Variants in LRFN5 observed in about 807,000 individuals in gnomAD.
LRFN5 encodes leucine rich repeat and fibronectin type III domain containing 5.
Under a neutral mutation model 45.6 loss-of-function variants are expected in LRFN5, and 24 were observed. The ratio of observed to expected loss-of-function variants is 0.53; its 90% confidence interval spans 0.38 to 0.74. LRFN5 has a LOEUF of 0.74. LRFN5 is among the 30% of genes least tolerant of loss of function. The pLI, the probability that LRFN5 is intolerant of heterozygous loss-of-function variation, is 0.00. For missense variants in LRFN5, 776 were observed against 861.5 expected, an observed-to-expected ratio of 0.90 and a Z score of 1.24; for synonymous variants, 340 against 313.8, an observed-to-expected ratio of 1.08 and a Z score of -0.88.
intron 2 of LRFN5, among the ~76,000 whole-genome samples, chr14:41,872,392 T>C (rs991835559): frequency 6.6e-6 from 1 of 152,232 alleles, no homozygotes; most frequent in African/African-American, 2.4e-5. Flanking sequence ...CATTTTAGCA[T>C]ATTCATATTT....
chr14:41,897,708 T>C (rs560600353), intron 4 of LRFN5, among the ~76,000 whole-genome samples: 2 of 152,226 alleles, frequency 1.3e-5, no homozygotes, highest in African/African-American at 4.8e-5. Flanking sequence ...ATTTTCTGCA[T>C]TTTTTAATTA....
At chr14:41,858,743 G>T (rs1594471868) in intron 2 of LRFN5, among the ~76,000 whole-genome samples, 1 of 152,002 alleles carries the variant, frequency 6.6e-6, no homozygotes, top group Admixed American at 6.6e-5. Context: ...TCATTCCAGT[G>T]CACATTGCTT....
At chr14:41,805,861 C>G (rs1167034142) in intron 2 of LRFN5, among the ~76,000 whole-genome samples, 1 of 152,080 alleles carries the variant, frequency 6.6e-6, no homozygotes, top group African/African-American at 2.4e-5. Context: ...GGTTGTTGCA[C>G]AGCATACCTT....
intron 1 of LRFN5, among the ~76,000 whole-genome samples, chr14:41,642,948 A>G (rs578122557): frequency 5.9e-5 from 9 of 152,284 alleles, no homozygotes; most frequent in South Asian, 2.1e-4. Context: ...CTGTTACTTC[A>G]TACTTCATTG....
chr14:41,797,871 C>G (rs975376072), intron 2 of LRFN5, among the ~76,000 whole-genome samples: 9 of 151,678 alleles, frequency 5.9e-5, no homozygotes, highest in African/African-American at 9.7e-5. Context: ...TATTGCTTCT[C>G]AATTTTGAAT....
At chr14:41,825,012 T>A (rs534041221) in intron 2 of LRFN5, among the ~76,000 whole-genome samples, 1 of 152,204 alleles carries the variant, frequency 6.6e-6, no homozygotes, top group African/African-American at 2.4e-5. Context: ...AGTTAATGGC[T>A]GTGGAAAATG....
chr14:41,811,270 A>G (rs944269243), intron 2 of LRFN5, among the ~76,000 whole-genome samples: 1 of 152,068 alleles, frequency 6.6e-6, no homozygotes, highest in African/African-American at 2.4e-5. Context: ...ACAGACAATA[A>G]CAAGTGTTAG....
At chr14:41,648,896 A>G (rs1276197731) in intron 1 of LRFN5, among the ~76,000 whole-genome samples, 3 of 152,186 alleles carry the variant, frequency 2.0e-5, no homozygotes, top group Non-Finnish European at 4.4e-5. Context: ...GTAAACTTCT[A>G]TCATGTAATT....
intron 1 of LRFN5, among the ~76,000 whole-genome samples, chr14:41,650,902 AGGGAGG>A: frequency 3.3e-5 from 1 of 30,128 alleles, no homozygotes; most frequent in African/African-American, 1.6e-4. Flanking sequence ...AGAGAGAGGG[AGGGAGG>A]GAGGGAGGGA....
intron 2 of LRFN5, among the ~76,000 whole-genome samples, chr14:41,824,524 T>C (rs1888228320): frequency 6.6e-6 from 1 of 152,182 alleles, no homozygotes. Context: ...AAGACTGAGA[T>C]TGCGGAGCTC....
intron 1 of LRFN5, among the ~76,000 whole-genome samples, chr14:41,658,356 A>G (rs1398118728): frequency 6.6e-6 from 1 of 151,990 alleles, no homozygotes; most frequent in Non-Finnish European, 1.5e-5. Context: ...TGTGATTGGC[A>G]CTTATACCAT....
At chr14:41,797,428 A>G (rs1349481624) in intron 2 of LRFN5, among the ~76,000 whole-genome samples, 2 of 151,672 alleles carry the variant, frequency 1.3e-5, no homozygotes, top group Non-Finnish European at 3.0e-5. Context: ...ATATATTTCT[A>G]TTTATCAACT....
chr14:41,645,665 A>C (rs748762213), intron 1 of LRFN5, among the ~76,000 whole-genome samples: 7 of 152,294 alleles, frequency 4.6e-5, no homozygotes, highest in Non-Finnish European at 8.8e-5. Flanking sequence ...TAAAATAATC[A>C]GTTGTTTCAC....
chr14:41,609,066 G>A (rs1490280506), intron 1 of LRFN5, among the ~76,000 whole-genome samples: 1 of 152,118 alleles, frequency 6.6e-6, no homozygotes, highest in Non-Finnish European at 1.5e-5. Context: ...TGTAAATTAC[G>A]CATCTGGAGA....
intron 2 of LRFN5, among the ~76,000 whole-genome samples, chr14:41,767,914 A>AT (rs200659628): frequency 7.9e-4 from 119 of 151,208 alleles, no homozygotes; most frequent in African/African-American, 2.4e-3. Context: ...TGTTTGAGGC[A>AT]TTTTTTTTTC....
At chr14:41,749,188 T>C (rs1188390166) in intron 1 of LRFN5, among the ~76,000 whole-genome samples, 1 of 147,554 alleles carries the variant, frequency 6.8e-6, no homozygotes, top group Non-Finnish European at 1.5e-5. Context: ...GCAATGACAA[T>C]TAAATTTCCA....
At chr14:41,800,566 C>CA (rs1399736315) in intron 2 of LRFN5, among the ~76,000 whole-genome samples, 1 of 151,290 alleles carries the variant, frequency 6.6e-6, no homozygotes, top group East Asian at 1.9e-4. Flanking sequence ...GAGATATAGG[C>CA]AAAAAACTCA....
At chr14:41,831,202 A>C (rs541731508) in intron 2 of LRFN5, among the ~76,000 whole-genome samples, 7 of 152,212 alleles carry the variant, frequency 4.6e-5, no homozygotes, top group Non-Finnish European at 1.0e-4. Context: ...TATGTGTTAC[A>C]TTACCCGTCT....
intron 1 of LRFN5, among the ~76,000 whole-genome samples, chr14:41,664,608 G>A (rs1880811115): frequency 6.6e-6 from 1 of 151,806 alleles, no homozygotes; most frequent in South Asian, 2.1e-4. Flanking sequence ...GTTACAGTGA[G>A]CTATGATCAC....
Sources: allele counts gnomAD v4.1 joint callset (sites outside exome capture counted in the v4.1 genomes callset), GRCh38; gene constraint gnomAD v4.1.1; transcripts MANE v1.5; gene names NCBI Gene and HGNC (gene_info 2026-07-23, HGNC 2026-07-21).